The following CDH15 variants were observed in gnomAD, a reference collection of about 807,000 sequenced individuals.
CDH15 encodes the protein cadherin 15, also known as cadherin-15.
CDH15 carries 73 observed loss-of-function variants against 69.4 expected under a neutral mutation model. The observed-to-expected ratio is 1.05, with a 90% CI of 0.87 to 1.28. CDH15 has a LOEUF of 1.28. CDH15 is among the 50% of genes most tolerant of loss of function. The pLI is 0.00. For synonymous variants in CDH15, 624 were observed against 507.7 expected (o/e 1.23, Z -3.08); for missense variants, 1,343 against 1,133.6 (o/e 1.18, Z -2.65).
intron 8 of CDH15, among the ~76,000 whole-genome samples, chr16:89,190,892 C>A (rs745473191): frequency 6.6e-6 from 1 of 152,278 alleles, no homozygotes; most frequent in African/African-American, 2.4e-5. Context: ...ATTGTCTCAG[C>A]GCCCTGGACA....
intron 3 of CDH15, among the ~76,000 whole-genome samples, chr16:89,182,371 C>A (rs184930724): frequency 1.3e-5 from 2 of 149,810 alleles, no homozygotes; most frequent in Non-Finnish European, 3.0e-5. Flanking sequence ...CTGGGCACAA[C>A]GGCTCATGCT....
At chr16:89,186,520 C>G (rs187722924) in intron 5 of CDH15, among the ~76,000 whole-genome samples, 1 of 139,216 alleles carries the variant, frequency 7.2e-6, no homozygotes, top group African/African-American at 2.7e-5. Flanking sequence ...ACCCAGCGCA[C>G]AGTAGGTGCT....
At chr16:89,176,047 C>T (rs1386463678) in intron 1 of CDH15, among the ~76,000 whole-genome samples, 2 of 152,248 alleles carry the variant, frequency 1.3e-5, no homozygotes. Context: ...AGATGGGCAG[C>T]CTGGGCCTTG....
At chr16:89,192,477 C>A in intron 11 of CDH15, 33 bp downstream of exon 11, 2 of 1,556,106 alleles carry the variant, frequency 1.3e-6, no homozygotes, top group Non-Finnish European at 1.7e-6. Flanking sequence ...CCTGGACCCT[C>A]GGACCCTCGG....
At chr16:89,177,143 C>T (rs762599181) in intron 1 of CDH15, among the ~76,000 whole-genome samples, 26 of 146,692 alleles carry the variant, frequency 1.8e-4, no homozygotes, top group Non-Finnish European at 3.5e-4. Flanking sequence ...GTCACTGGGA[C>T]GATGCAGACG....
In CDH15 at chr16:89,190,495, A is replaced by C. The variant is rs1045025112; in HGVS notation, c.1231A>C (p.Ser411Arg). The change falls in exon 8 of 14, where the codon AGC (serine) becomes CGC (arginine). Residue 411 changes from serine (S) to arginine (R), a missense_variant and splice_region_variant. By Grantham distance (110) the Ser-to-Arg change is moderately radical. Transcript: ENST00000289746. ...TGACACAGAGCAGCTGCAGAGGCTCAGGTGGGGCTCCTGAGGCCCTGGGAG... is the reference window on the plus strand; with the variant it reads ...TGACACAGAGCAGCTGCAGAGGCTCCGGTGGGGCTCCTGAGGCCCTGGGAG... ...DPDTEQLQRLSYSKDYDPEDW... is the reference protein window; with the variant it reads ...DPDTEQLQRLRYSKDYDPEDW... 2 of 1,589,998 alleles carry C rather than the reference A, an allele frequency of 1.3e-6. No homozygotes were observed. The highest frequency in any genetic ancestry group is 1.7e-6 in the Non-Finnish European group (2 of 1,169,344).
At chr16:89,174,337 C>T (rs373201853) in intron 1 of CDH15, among the ~76,000 whole-genome samples, 4 of 152,062 alleles carry the variant, frequency 2.6e-5, no homozygotes, top group East Asian at 1.9e-4. Flanking sequence ...GAGGGGCCTT[C>T]GCACTCTCTT....
chr16:89,193,375 C>G, intron 11 of CDH15, 95 bp from the exon 12 acceptor site: 6 of 505,322 alleles, frequency 1.2e-5, no homozygotes, highest in Admixed American at 2.8e-5. Flanking sequence ...ACCAGCCTTG[C>G]CCCGCCCCGC....
intron 1 of CDH15, among the ~76,000 whole-genome samples, chr16:89,176,261 C>G (rs1846251297): frequency 6.6e-6 from 1 of 152,250 alleles, no homozygotes; most frequent in African/African-American, 2.4e-5. Context: ...CTCGGCAAAG[C>G]CAGCAGGAGC....
At chr16:89,174,720 G>T (rs1030582727) in intron 1 of CDH15, among the ~76,000 whole-genome samples, 6 of 152,194 alleles carry the variant, frequency 3.9e-5, no homozygotes, top group African/African-American at 1.2e-4. Context: ...GAGCTTGGGG[G>T]TGTCATTGGG....
At chr16:89,180,449 G>T in intron 3 of CDH15, 94 bp downstream of exon 3, 1 of 1,398,876 alleles carries the variant, frequency 7.1e-7, no homozygotes, top group East Asian at 2.5e-5. Flanking sequence ...TCCCCGCTCG[G>T]TGGGCTTCAG....
At position 89,187,479 on chromosome 16, in the gene CDH15, C is replaced by G. The variant is rs148718049; in HGVS notation, c.714C>G (p.Asp238Glu). The G allele has an allele frequency of 1.5e-5, 24 of 1,613,430 alleles. No homozygotes were observed. Among genetic ancestry groups the G allele is most frequent in the Non-Finnish European group, 2.0e-5 (24 of 1,180,006 alleles). ...TGCAGGTGGCGGACATGTCTGGAGA[C>G]GGCCTCACAGCCACTGCCTCAGCCA... ...LTLQVADMSG[D>E]GLTATASAII... Residue 238 changes from aspartate (D) to glutamate (E), a missense_variant, in exon 6 of 14, where the codon GAC (aspartate) becomes GAG (glutamate). Physicochemically the swap from Asp to Glu is conservative, Grantham distance 45. Coordinates refer to ENST00000289746, the MANE Select transcript of CDH15 (RefSeq NM_004933.3).
Position 89,183,632 on chromosome 16 carries a change from A to C in CDH15, c.442A>C (p.Asn148His). 1 of 1,613,978 alleles carries C rather than the reference A, an allele frequency of 6.2e-7. No homozygotes were observed. Reference sequence around the variant, plus strand: ...GATTGTAGTTGTGGATCAGAATGACAACCGGCCAGCCTTCCTGCAGGAGGC... The same window carrying C: ...GATTGTAGTTGTGGATCAGAATGACCACCGGCCAGCCTTCCTGCAGGAGGC... ...LEIVVVDQND[N>H]RPAFLQEAFT... The change falls in exon 4 of 14, where the codon AAC becomes CAC. Residue 148 changes from asparagine to histidine, a missense_variant. Physicochemically the swap from Asn to His is moderately conservative, Grantham distance 68. Coordinates refer to ENST00000289746, the MANE Select transcript of CDH15 (RefSeq NM_004933.3).
chr16:89,193,500 G>A lies in CDH15; in HGVS notation c.1886G>A (p.Arg629Gln), dbSNP rs766607811. The A allele has an allele frequency of 3.1e-6, 5 of 1,611,718 alleles. No homozygotes were observed. The highest frequency in any genetic ancestry group is 4.2e-6 in the Non-Finnish European group (5 of 1,179,708). The change falls in exon 12 of 14, where the codon CGG becomes CAG. Residue 629 changes from arginine (R) to glutamine (Q), a missense_variant. Arg to Gln is a conservative substitution (Grantham distance 43). Transcript: ENST00000289746. ...VLVLLVALRARFWKQSRGKGL... is the reference protein window; with the variant it reads ...VLVLLVALRAQFWKQSRGKGL... The stretch of plus-strand genomic sequence containing the variant: ...GTCCTGCTCGTGGCACTCCGGGCGC[G>A]GTTCTGGAAGCAGTCTCGGGGCAAG...
chr16:89,190,153 C>T (rs1403306675), intron 7 of CDH15, 90 bp from the exon 8 acceptor site: 1 of 1,502,304 alleles, frequency 6.7e-7, no homozygotes, highest in African/African-American at 1.4e-5. Flanking sequence ...GTGCTCTGGA[C>T]AGACCCAAGG....
chr16:89,185,091 G>A (rs903602062), intron 4 of CDH15, 82 bp from the exon 5 acceptor site: 10 of 1,366,374 alleles, frequency 7.3e-6, no homozygotes, highest in African/African-American at 4.3e-5. Context: ...CTGTGCACAC[G>A]AGGTGCCCCC....
rs754003776 is a variant in CDH15, at chr16:89,191,390, C to G, written c.1293C>G (p.Ile431Met). The part of the protein sequence containing the change: ...WLQVDAATGR[I>M]QTQHVLSPAS... ...AAGTGGACGCAGCCACTGGCCGGAT[C>G]CAGACCCAGCACGTGCTCAGCCCGG... is the stretch of plus-strand genomic sequence containing the variant. The change falls in exon 9 of 14, where the codon ATC becomes ATG. Residue 431 changes from isoleucine (I) to methionine (M), a missense_variant. Physicochemically the swap from Ile to Met is conservative, Grantham distance 10. Transcript: ENST00000289746. 2.5e-6 allele frequency: 4 copies of G among 1,612,818 alleles called. No homozygotes were observed. Among genetic ancestry groups the G allele is most frequent in the Non-Finnish European group, 3.4e-6 (4 of 1,179,990 alleles).
chr16:89,175,411 G>T (rs531948230), intron 1 of CDH15, among the ~76,000 whole-genome samples: 1 of 152,376 alleles, frequency 6.6e-6, no homozygotes, highest in African/African-American at 2.4e-5. Flanking sequence ...CAGAGCATGC[G>T]GTTCAGAGCC....
chr16:89,185,270 G>T lies in CDH15; in HGVS notation c.600G>T (p.Glu200Asp). Residue 200 changes from glutamate (E) to aspartate (D), a missense_variant, in exon 5 of 14, where the codon GAG (glutamate) becomes GAT (aspartate). Transcript: ENST00000289746. Reference sequence around the variant, plus strand: ...CCATCCTGCAGCAGGGCAGCCCCGAGCTCTTCAGCATCGACGAGCTCACAG... The same window carrying T: ...CCATCCTGCAGCAGGGCAGCCCCGATCTCTTCAGCATCGACGAGCTCACAG... ...RFSILQQGSP[E>D]LFSIDELTGE... 1 of 1,606,366 alleles carries T rather than the reference G, an allele frequency of 6.2e-7. No individual in the cohort carries two copies. Among genetic ancestry groups the T allele is most frequent in the African/African-American group, 1.3e-5 (1 of 74,884 alleles).
Sources: gnomAD v4.1 joint callset for allele counts (sites outside exome capture counted in the v4.1 genomes callset) on GRCh38, gnomAD v4.1.1 for gene constraint, MANE v1.5 for transcripts, NCBI Gene and HGNC (gene_info 2026-07-23, HGNC 2026-07-21) for gene names.